Variants in ERBB4 observed in about 807,000 individuals in gnomAD.
The protein encoded by ERBB4 is erb-b2 receptor tyrosine kinase 4.
ERBB4 carries 42 observed loss-of-function variants against 158.0 expected under a neutral mutation model. The ratio of observed to expected loss-of-function variants is 0.27; its 90% CI spans 0.21 to 0.34. ERBB4 has a LOEUF of 0.34. Ranked by LOEUF, ERBB4 falls within the 10% of genes least tolerant of loss-of-function variation. The pLI is 1.00. For synonymous variants in ERBB4, 583 were observed against 558.7 expected (o/e 1.04, Z -0.61); for missense variants, 1,333 against 1,624.1 (o/e 0.82, Z 3.08).
At chr2:211,652,174 C>A (rs1034226572) in intron 16 of ERBB4, among the ~76,000 whole-genome samples, 15 of 152,060 alleles carry the variant, frequency 9.9e-5, no homozygotes, top group Admixed American at 5.9e-4. Flanking sequence ...TGAGCTGAGA[C>A]GTTTTGCTCT....
rs551996294 is a variant in ERBB4, at chr2:211,426,239, A to G, written c.2720-1938T>C. The stretch of plus-strand genomic sequence containing the variant: ...GGGTTAGAAAAGGATGGTTTCAAGC[A>G]AAAGAACAATGTCAGGAAAGCTAAA... On this transcript the variant is annotated intron_variant, in intron 22 of 27. Coordinates refer to ENST00000342788, the MANE Select transcript of ERBB4 (RefSeq NM_005235.3). 3.2e-4 allele frequency among the ~76,000 whole-genome samples: 49 copies of G among 152,334 alleles called. No individual in the cohort carries two copies. In the South Asian group the frequency reaches 9.9e-3, roughly 31 times the overall value.
chr2:211,690,911 TTTTC>T (rs1457467822), intron 12 of ERBB4, among the ~76,000 whole-genome samples: 2 of 152,198 alleles, frequency 1.3e-5, no homozygotes, highest in Non-Finnish European at 2.9e-5. Context: ...CAAAATAGAT[TTTTC>T]TTTATCTCAT....
At chr2:211,506,076 A>G (rs1036441772) in intron 20 of ERBB4, among the ~76,000 whole-genome samples, 1 of 152,126 alleles carries the variant, frequency 6.6e-6, no homozygotes, top group Non-Finnish European at 1.5e-5. Flanking sequence ...ACTTAAAGTA[A>G]AGGGGTAGAA....
chr2:211,728,090 C>T (rs2074322323), intron 5 of ERBB4, among the ~76,000 whole-genome samples: 1 of 151,636 alleles, frequency 6.6e-6, no homozygotes, highest in South Asian at 2.1e-4. Flanking sequence ...GACCAAATCA[C>T]ACCTTTGTAT....
intron 9 of ERBB4, among the ~76,000 whole-genome samples, chr2:211,708,517 A>G (rs1015095056): frequency 6.6e-6 from 1 of 152,066 alleles, no homozygotes; most frequent in Non-Finnish European, 1.5e-5. Context: ...GCTGTGCTAT[A>G]AACTAGACAT....
chr2:211,468,243 C>T (rs907730366), intron 20 of ERBB4, among the ~76,000 whole-genome samples: 2 of 152,134 alleles, frequency 1.3e-5, no homozygotes, highest in Non-Finnish European at 2.9e-5. Context: ...GATATGCTAA[C>T]ACATGTCTGT....
chr2:212,445,408 C>T (rs114086985), intron 1 of ERBB4, among the ~76,000 whole-genome samples: 2,052 of 152,116 alleles, frequency 0.013, 42 homozygotes, highest in African/African-American at 0.047. Flanking sequence ...TAGAGGTCTT[C>T]GATCCAGAGG....
At chr2:211,573,605 G>A (rs2067802392) in intron 19 of ERBB4, among the ~76,000 whole-genome samples, 1 of 152,144 alleles carries the variant, frequency 6.6e-6, no homozygotes, top group Non-Finnish European at 1.5e-5. Context: ...AGGAGGCGGA[G>A]CTTGCAGTGA....
chr2:212,201,265 C>T (rs556042912), intron 1 of ERBB4, among the ~76,000 whole-genome samples: 4 of 152,184 alleles, frequency 2.6e-5, no homozygotes, highest in Admixed American at 2.6e-4. Flanking sequence ...CCTTTAAAAA[C>T]ACATAAAAAC....
chr2:212,184,250 A>G (rs2081952023), intron 1 of ERBB4, among the ~76,000 whole-genome samples: 1 of 152,008 alleles, frequency 6.6e-6, no homozygotes, highest in Non-Finnish European at 1.5e-5. Context: ...AATGACCTGG[A>G]CCTCTTTTCC....
At chr2:211,940,620 A>T (rs1243073329) in intron 3 of ERBB4, among the ~76,000 whole-genome samples, 1 of 152,098 alleles carries the variant, frequency 6.6e-6, no homozygotes, top group East Asian at 1.9e-4. Flanking sequence ...TTCTTCAAAG[A>T]GTGAGGCATC....
rs551324118 is a variant in ERBB4 at position 211,772,595 on chromosome 2, T to C, written c.556+15430A>G. Among the ~76,000 whole-genome samples, 14 of 151,508 alleles carry C rather than the reference T, an allele frequency of 9.2e-5. No individual in the cohort carries two copies. The South Asian group carries it at 2.9e-3, about 32-fold the overall frequency. ...CATGGAAGTTAATTTTGGGCCTCTC[T>C]CTCTCCAAATAACCATTCTTATTAA... On this transcript the variant is annotated intron_variant, in intron 4 of 27. Transcript: ENST00000342788.
At chr2:211,532,417 T>A (rs543877582) in intron 20 of ERBB4, among the ~76,000 whole-genome samples, 7 of 152,156 alleles carry the variant, frequency 4.6e-5, no homozygotes, top group African/African-American at 1.7e-4. Context: ...ATACACCTAC[T>A]ATGTACCCCC....
intron 1 of ERBB4, among the ~76,000 whole-genome samples, chr2:212,238,744 T>TA (rs2083972776): frequency 6.6e-6 from 1 of 152,146 alleles, no homozygotes; most frequent in Non-Finnish European, 1.5e-5. Context: ...GCAACGAGTT[T>TA]AAAAATTTTA....
chr2:211,831,903 CA>C lies in ERBB4; in HGVS notation c.422-43745del, dbSNP rs5838287. Among the ~76,000 whole-genome samples, 61 of 146,826 alleles carry C rather than the reference CA, an allele frequency of 4.2e-4. 1 individual carries two copies. The highest frequency in any genetic ancestry group is 1.1e-3 in the African/African-American group (44 of 39,696). On this transcript the variant is annotated intron_variant, in intron 3 of 27. Coordinates refer to ENST00000342788, the MANE Select transcript of ERBB4 (RefSeq NM_005235.3). The stretch of plus-strand genomic sequence containing the variant: ...GGGCAACAACAGCGAGACTCTGTCT[CA>C]AAAAAAAAAATAGTAATGTCTTCAC...
rs1575599984 is a variant in ERBB4, at chr2:212,075,562, A to C, written c.234+49190T>G. On this transcript the variant is annotated intron_variant, in intron 2 of 27. Transcript: ENST00000342788. ...TATCTCAGAGCCAGTGGGTCAGAGA[A>C]ATTATCAAAGAAATCTTACATAGTA... 3.9e-5 allele frequency among the ~76,000 whole-genome samples: 6 copies of C among 152,066 alleles called. 1 individual carries two copies. The highest frequency in any genetic ancestry group is 3.9e-4 in the Admixed American group (6 of 15,222).
chr2:211,825,391 G>C (rs1473302499), intron 3 of ERBB4, among the ~76,000 whole-genome samples: 1 of 151,630 alleles, frequency 6.6e-6, no homozygotes, highest in Non-Finnish European at 1.5e-5. Flanking sequence ...AGCAAAAGAT[G>C]GCATTGTATA....
intron 19 of ERBB4, among the ~76,000 whole-genome samples, chr2:211,610,713 G>C (rs1421966934): frequency 6.6e-6 from 1 of 152,138 alleles, no homozygotes; most frequent in Non-Finnish European, 1.5e-5. Context: ...CTGTAGGTTA[G>C]AGAGCTGGAA....
At chr2:212,022,709 A>G (rs1258497767) in intron 2 of ERBB4, among the ~76,000 whole-genome samples, 2 of 152,118 alleles carry the variant, frequency 1.3e-5, no homozygotes, top group East Asian at 3.9e-4. Context: ...ATAAAAAACT[A>G]TAATCTGAAG....
Sources: gnomAD v4.1 joint callset for allele counts (sites outside exome capture counted in the v4.1 genomes callset) on GRCh38, gnomAD v4.1.1 for gene constraint, MANE v1.5 for transcripts, NCBI Gene and HGNC (gene_info 2026-07-23, HGNC 2026-07-21) for gene names.